RIT2: variants seen among roughly 807,000 people sequenced by gnomAD.
RIT2 encodes GTP-binding protein Rit2.
RIT2 carries 24 observed loss-of-function variants against 23.7 expected under a neutral mutation model. The observed-to-expected ratio is 1.01, with a 90% CI of 0.73 to 1.43. The LOEUF (loss-of-function observed/expected upper bound fraction) is 1.43, where lower values mean the gene tolerates loss of function less well. Ranked by LOEUF, RIT2 falls within the 40% of genes most tolerant of loss-of-function variation. The probability of loss-of-function intolerance (pLI) is 0.00; values close to 1 mark genes in which losing one functional copy is unlikely to be tolerated. For synonymous variants in RIT2, 107 were observed against 91.1 expected, an observed-to-expected ratio of 1.17 and a Z score of -0.99; for missense variants, 236 against 266.9, an observed-to-expected ratio of 0.88 and a Z score of 0.81.
At chr18:43,052,646 A>C (rs1912410056) in intron 1 of RIT2, among the ~76,000 whole-genome samples, 1 of 152,020 alleles carries the variant, frequency 6.6e-6, no homozygotes, top group African/African-American at 2.4e-5. Flanking sequence ...ACATTGCCCC[A>C]GTCATGTCTC....
chr18:42,786,349 A>T (rs534453711), intron 4 of RIT2, among the ~76,000 whole-genome samples: 2 of 152,346 alleles, frequency 1.3e-5, no homozygotes, highest in Non-Finnish European at 2.9e-5. Flanking sequence ...TACTCGAGGC[A>T]TTTAAAAACT....
chr18:42,992,400 C>T (rs1212056987), intron 2 of RIT2, among the ~76,000 whole-genome samples: 3 of 152,052 alleles, frequency 2.0e-5, no homozygotes, highest in South Asian at 2.1e-4. Context: ...TTTTACACAT[C>T]GGTCCCTCCC....
In RIT2 at chr18:42,787,921, C is replaced by T. The variant is rs1035207202; in HGVS notation, c.427-44201G>A. Among the ~76,000 whole-genome samples, 9 of 150,584 alleles carry T rather than the reference C, an allele frequency of 6.0e-5. 1 individual carries two copies. The highest frequency in any genetic ancestry group is 1.0e-4 in the Non-Finnish European group (7 of 67,604). The stretch of plus-strand genomic sequence containing the variant: ...TAAAACTGATACATTAAAATGTATT[C>T]GTTTATTTAAAATAAATTTATTTTA... On this transcript the variant is annotated intron_variant, in intron 4 of 4. Coordinates refer to ENST00000326695, the MANE Select transcript of RIT2 (RefSeq NM_002930.4).
At chr18:42,792,529 G>C (rs1455122484) in intron 4 of RIT2, among the ~76,000 whole-genome samples, 3 of 151,924 alleles carry the variant, frequency 2.0e-5, no homozygotes, top group African/African-American at 7.3e-5. Context: ...ACTTCCATTT[G>C]CCTTGTATTT....
chr18:42,810,633 A>G (rs1415394377), intron 4 of RIT2, among the ~76,000 whole-genome samples: 1 of 151,982 alleles, frequency 6.6e-6, no homozygotes, highest in Non-Finnish European at 1.5e-5. Context: ...TGACCTCACT[A>G]TAAATAACTG....
chr18:42,892,754 C>A lies in RIT2; in HGVS notation c.426+30818G>T, dbSNP rs768232963. ...AGATAAAAATGTGTAAATAGAATTA[C>A]TGAAATCCTGGTGTCTTATAGAAAG... On this transcript the variant is annotated intron_variant, in intron 4 of 4. Coordinates refer to ENST00000326695, the MANE Select transcript of RIT2 (RefSeq NM_002930.4). 2.9e-4 allele frequency among the ~76,000 whole-genome samples: 44 copies of A among 152,146 alleles called. 1 individual carries two copies. The highest frequency in any genetic ancestry group is 2.6e-4 in the Non-Finnish European group (18 of 68,028).
At chr18:42,922,371 C>T (rs1449788778) in intron 4 of RIT2, among the ~76,000 whole-genome samples, 2 of 152,038 alleles carry the variant, frequency 1.3e-5, no homozygotes, top group South Asian at 2.1e-4. Flanking sequence ...TTTAAATAGG[C>T]TAACAATAAA....
intron 3 of RIT2, among the ~76,000 whole-genome samples, chr18:42,962,354 T>C (rs1030338879): frequency 6.6e-6 from 1 of 152,240 alleles, no homozygotes; most frequent in African/African-American, 2.4e-5. Context: ...ACTATTTTTA[T>C]ACTTTGAGGG....
At chr18:42,893,695 T>C (rs1035479550) in intron 4 of RIT2, among the ~76,000 whole-genome samples, 3 of 152,132 alleles carry the variant, frequency 2.0e-5, no homozygotes, top group South Asian at 4.1e-4. Flanking sequence ...TTTGAAATAG[T>C]TTTTTATATG....
intron 1 of RIT2, 111 bp from the exon 2 acceptor site, chr18:43,033,978 T>C: frequency 1.5e-6 from 1 of 653,488 alleles, no homozygotes. Flanking sequence ...ATAAGTTAGT[T>C]ATGTGAGTGA....
At chr18:43,029,536 A>G (rs1228126649) in intron 2 of RIT2, among the ~76,000 whole-genome samples, 1 of 152,034 alleles carries the variant, frequency 6.6e-6, no homozygotes, top group African/African-American at 2.4e-5. Context: ...TATTAATGTA[A>G]TGACCTCAAG....
At chr18:43,014,015 G>A (rs1911414552) in intron 2 of RIT2, among the ~76,000 whole-genome samples, 1 of 151,762 alleles carries the variant, frequency 6.6e-6, no homozygotes, top group Non-Finnish European at 1.5e-5. Context: ...CCGCTGCTGG[G>A]TAAGGCTCTG....
intron 4 of RIT2, among the ~76,000 whole-genome samples, chr18:42,794,976 A>G (rs187231019): frequency 1.6e-3 from 239 of 152,374 alleles, no homozygotes; most frequent in African/African-American, 5.1e-3. Context: ...AGACAGTAGA[A>G]AAATTGACAC....
At chr18:42,948,186 C>T (rs1909770681) in intron 3 of RIT2, among the ~76,000 whole-genome samples, 1 of 152,198 alleles carries the variant, frequency 6.6e-6, no homozygotes, top group Admixed American at 6.6e-5. Context: ...TTTGTGACAT[C>T]TTTAAGCGTA....
chr18:43,049,971 C>CTT (rs1912337033), intron 1 of RIT2, among the ~76,000 whole-genome samples: 1 of 48,578 alleles, frequency 2.1e-5, no homozygotes, highest in African/African-American at 7.2e-5. Context: ...GAAGGGATTT[C>CTT]CTTTTTTTTT....
chr18:42,973,490 A>G (rs1910408247), intron 3 of RIT2, among the ~76,000 whole-genome samples: 1 of 151,888 alleles, frequency 6.6e-6, no homozygotes, highest in Non-Finnish European at 1.5e-5. Flanking sequence ...GGACATGGAG[A>G]TGTTTTAAAT....
At chr18:42,920,761 C>T (rs772063745) in intron 4 of RIT2, 5 of 1,591,736 alleles carry the variant, frequency 3.1e-6, no homozygotes, top group East Asian at 4.5e-5. Context: ...TCAGTGTAGG[C>T]TGATAAGGAA....
intron 4 of RIT2, among the ~76,000 whole-genome samples, chr18:42,772,721 C>A (rs891667318): frequency 6.6e-6 from 1 of 152,106 alleles, no homozygotes; most frequent in Non-Finnish European, 1.5e-5. Flanking sequence ...AATGAAGTGA[C>A]TTTTGACTTT....
intron 2 of RIT2, among the ~76,000 whole-genome samples, chr18:43,020,634 C>T (rs1911574120): frequency 2.0e-5 from 3 of 152,164 alleles, no homozygotes; most frequent in South Asian, 2.1e-4. Flanking sequence ...ACAAAAACAA[C>T]ATGCATGGTA....
Sources: allele counts gnomAD v4.1 joint callset (sites outside exome capture counted in the v4.1 genomes callset), GRCh38; gene constraint gnomAD v4.1.1; transcripts MANE v1.5; gene names NCBI Gene and HGNC (gene_info 2026-07-23, HGNC 2026-07-21).